The following ZNF354A variants were observed in gnomAD, a reference collection of about 807,000 sequenced individuals.
The protein encoded by ZNF354A is epididymis luminal protein 104.
A neutral mutation model predicts 53.3 loss-of-function variants in ZNF354A; 25 were observed. The ratio of observed to expected loss-of-function variants is 0.47; its 90% CI spans 0.34 to 0.66. The LOEUF (loss-of-function observed/expected upper bound fraction) is 0.66, where lower values mean the gene tolerates loss of function less well. ZNF354A is among the 30% of genes least tolerant of loss of function. ZNF354A has a pLI of 0.01. For synonymous variants in ZNF354A, 228 were observed against 249.0 expected (o/e 0.92, Z 0.79); for missense variants, 586 against 716.8 (o/e 0.82, Z 2.08).
At chr5:178,718,804 C>T (rs72812621) in intron 4 of ZNF354A, among the ~76,000 whole-genome samples, 15,063 of 152,132 alleles carry the variant, frequency 0.099, 846 homozygotes, top group African/African-American at 0.15. Flanking sequence ...GCCATCATAG[C>T]TCACTGCAGC....
At position 178,726,921 on chromosome 5, in the gene ZNF354A, A is replaced by G. The variant is rs1765919410; in HGVS notation, c.160+78T>C. 12 of 1,528,212 alleles carry G rather than the reference A, an allele frequency of 7.9e-6. No homozygotes were observed. In the South Asian group the frequency reaches 1.6e-4, roughly 20 times the overall value. 94.7% of individuals were successfully genotyped at this position (1,528,212 alleles called of 1,614,324 possible). ...ACTCAGCTCAAATTTTTCAGTGACC[A>G]ACCGCTTTTATTCAGGGAAGGAGGT... On this transcript the variant is annotated intron_variant, in intron 3 of 4. Coordinates refer to ENST00000335815, the MANE Select transcript of ZNF354A (RefSeq NM_005649.3).
chr5:178,716,202 T>C (rs1765710372), intron 4 of ZNF354A, among the ~76,000 whole-genome samples: 1 of 151,990 alleles, frequency 6.6e-6, no homozygotes, highest in Admixed American at 6.6e-5. Context: ...GGCCAATCTT[T>C]CTAAGATCAA....
rs899571539 is a variant in ZNF354A, at chr5:178,727,066, C to A, written c.93G>T (p.Leu31=). The A allele has an allele frequency of 6.2e-7, 1 of 1,614,022 alleles. No homozygotes were observed. Among genetic ancestry groups the A allele is most frequent in the African/African-American group, 1.3e-5 (1 of 74,926 alleles). The change falls in exon 3 of 5, where the codon CTG becomes CTT. Residue 31 remains leucine, a synonymous_variant. Coordinates refer to ENST00000335815, the MANE Select transcript of ZNF354A (RefSeq NM_005649.3). ...VLFTRDEWRK[L]APSQRNLYRD... ...GGTACAAGTTTCTCTGAGAAGGGGC[C>A]AGCTTTCTCCACTCATCTCGGGTAA...
At chr5:178,726,096 C>T in intron 3 of ZNF354A, 1 of 440,884 alleles carries the variant, frequency 2.3e-6, no homozygotes, top group South Asian at 1.6e-5. Flanking sequence ...CCCGCCTCGG[C>T]CTCCCAAAGT....
chr5:178,725,568 C>A, intron 3 of ZNF354A, 97 bp from the exon 4 acceptor site: 1 of 1,303,588 alleles, frequency 7.7e-7, no homozygotes, highest in Middle Eastern at 2.0e-4. Flanking sequence ...CAGGATGGTA[C>A]AAAGAGCTTC....
intron 2 of ZNF354A, among the ~76,000 whole-genome samples, chr5:178,728,752 C>T (rs1219090276): frequency 1.4e-5 from 2 of 143,814 alleles, no homozygotes; most frequent in Non-Finnish European, 3.0e-5. Flanking sequence ...AGCCGAGATC[C>T]CGCCACTGCC....
chr5:178,720,814 A>G (rs746049805), intron 4 of ZNF354A, among the ~76,000 whole-genome samples: 8 of 152,162 alleles, frequency 5.3e-5, no homozygotes, highest in Non-Finnish European at 1.0e-4. Context: ...CTCTTAGCAC[A>G]TCCATCAAAA....
At chr5:178,723,957 G>A (rs1199251913) in intron 4 of ZNF354A, among the ~76,000 whole-genome samples, 16 of 152,094 alleles carry the variant, frequency 1.1e-4, no homozygotes, top group African/African-American at 3.4e-4. Context: ...CACCTGGCCA[G>A]CTCCAAGCTT....
At position 178,723,831 on chromosome 5, in the gene ZNF354A, C is replaced by T. The variant is rs539139622; in HGVS notation, c.256+1545G>A. On this transcript the variant is annotated intron_variant, in intron 4 of 4. Coordinates refer to ENST00000335815, the MANE Select transcript of ZNF354A (RefSeq NM_005649.3). ...AACCACTCTCAGTCCCCCACTGCCA[C>T]GATGGCCCCTCCCCGTTTCTCTACT... Among the ~76,000 whole-genome samples the T allele has an allele frequency of 5.3e-5, 8 of 152,124 alleles. No homozygotes were observed. In the East Asian group the frequency reaches 1.6e-3, roughly 30 times the overall value.
At chr5:178,720,877 G>A (rs1016277729) in intron 4 of ZNF354A, among the ~76,000 whole-genome samples, 1 of 151,960 alleles carries the variant, frequency 6.6e-6, no homozygotes, top group Non-Finnish European at 1.5e-5. Context: ...ACACTAATAA[G>A]TCAAACTGCT....
Position 178,711,764 on chromosome 5 carries a change from A to T in ZNF354A, c.*296T>A. On this transcript the variant is annotated 3_prime_UTR_variant, in exon 5 of 5. Transcript: ENST00000335815. ...TATCTGTTTCTGATGATCACGTGAC[A>T]TCTAGCATATACGTCTGTAGGAAAA... 4.1e-6 allele frequency: 1 copy of T among 244,498 alleles called. No homozygotes were observed. Among genetic ancestry groups the T allele is most frequent in the Non-Finnish European group, 7.9e-6 (1 of 126,440 alleles). The allele number at this position is 244,498 out of a possible 1,614,324, so 15.1% of individuals were successfully genotyped here.
intron 4 of ZNF354A, among the ~76,000 whole-genome samples, chr5:178,719,685 C>A (rs1258108212): frequency 6.6e-6 from 1 of 152,164 alleles, no homozygotes; most frequent in South Asian, 2.1e-4. Context: ...CGGTGGCTCA[C>A]GCCTGTAATC....
At chr5:178,722,725 G>A (rs758658210) in intron 4 of ZNF354A, among the ~76,000 whole-genome samples, 7 of 152,204 alleles carry the variant, frequency 4.6e-5, no homozygotes, top group African/African-American at 7.2e-5. Context: ...AGGAGTGAAT[G>A]AAACAGGCAA....
At chr5:178,721,825 C>G (rs1247490319) in intron 4 of ZNF354A, among the ~76,000 whole-genome samples, 1 of 152,214 alleles carries the variant, frequency 6.6e-6, no homozygotes, top group Admixed American at 6.5e-5. Flanking sequence ...TCAAAGTCAA[C>G]ACACCTAAAA....
intron 4 of ZNF354A, among the ~76,000 whole-genome samples, chr5:178,714,525 G>A (rs1489943297): frequency 1.3e-5 from 2 of 152,004 alleles, no homozygotes; most frequent in Admixed American, 6.6e-5. Context: ...CTATATCTAT[G>A]TCTGTATGTA....
At position 178,712,473 on chromosome 5, in the gene ZNF354A, T is replaced by C; in HGVS notation, c.1405A>G (p.Lys469Glu). 4 of 1,614,042 alleles carry C rather than the reference T, an allele frequency of 2.5e-6. No homozygotes were observed. The highest frequency in any genetic ancestry group is 3.4e-6 in the Non-Finnish European group (4 of 1,179,916). The change falls in exon 5 of 5, where the codon AAA (lysine) becomes GAA (glutamate). Residue 469 changes from lysine (K) to glutamate (E), a missense_variant. Around this residue, in one of 2 missense-constraint regions of ZNF354A, gnomAD observed 573 missense variants for 680.1 expected, o/e 0.84. Transcript: ENST00000335815. ...TGTCTGAAGGCTTTTCCACATACTT[T>C]ACATTTACATGGTTTTTCTCCAGTA... Reference protein sequence around the residue: ...IHTGEKPCKCKVCGKAFRQSS... With the variant: ...IHTGEKPCKCEVCGKAFRQSS...
intron 4 of ZNF354A, among the ~76,000 whole-genome samples, chr5:178,720,163 T>C (rs1765786110): frequency 6.6e-6 from 1 of 152,182 alleles, no homozygotes; most frequent in Non-Finnish European, 1.5e-5. Context: ...GCTTTTAACA[T>C]AGAAATTTTC....
In ZNF354A at chr5:178,713,448, T is replaced by C. The variant is rs1765660838; in HGVS notation, c.430A>G (p.Ile144Val). Residue 144 changes from isoleucine to valine, a missense_variant, in exon 5 of 5, where the codon ATA (isoleucine) becomes GTA (valine). Around this residue, in one of 2 missense-constraint regions of ZNF354A, gnomAD observed 573 missense variants for 680.1 expected, o/e 0.84. Coordinates refer to ENST00000335815, the MANE Select transcript of ZNF354A (RefSeq NM_005649.3). Reference protein sequence around the residue: ...KKQDKKGSFQIVSATHKKIPT... With the variant: ...KKQDKKGSFQVVSATHKKIPT... The stretch of plus-strand genomic sequence containing the variant: ...ATTTTTTTGTGGGTGGCTGAAACTA[T>C]CTGAAAACTTCCCTTTTTATCCTGC... 1 of 1,613,700 alleles carries C rather than the reference T, an allele frequency of 6.2e-7. No homozygotes were observed. Among genetic ancestry groups the C allele is most frequent in the South Asian group, 1.1e-5 (1 of 91,006 alleles).
intron 4 of ZNF354A, among the ~76,000 whole-genome samples, chr5:178,722,694 T>C (rs1765833240): frequency 6.6e-6 from 1 of 151,556 alleles, no homozygotes; most frequent in African/African-American, 2.4e-5. Flanking sequence ...GGCCAGGGAC[T>C]GTTTTAGGTT....
Sources: allele counts gnomAD v4.1 joint callset (sites outside exome capture counted in the v4.1 genomes callset), GRCh38; gene constraint gnomAD v4.1.1; regional missense constraint gnomAD v4.1.1; transcripts MANE v1.5; gene names NCBI Gene and HGNC (gene_info 2026-07-23, HGNC 2026-07-21).